KIRREL3: variants seen among roughly 807,000 people sequenced by gnomAD.
The protein encoded by KIRREL3 is kirre like nephrin family adhesion molecule 3.
In KIRREL3, 36 loss-of-function variants were observed where a neutral mutation model predicts 89.7. The ratio of observed to expected loss-of-function variants is 0.40; its 90% confidence interval spans 0.31 to 0.53. The LOEUF is 0.53. Among genes scored for constraint, KIRREL3 ranks in the 20% least tolerant of loss-of-function variants. KIRREL3 has a pLI of 0.49. For missense variants in KIRREL3, 864 were observed against 1,056.6 expected (o/e 0.82, Z 2.53); for synonymous variants, 445 against 441.4 (o/e 1.01, Z -0.10).
chr11:126,869,119 T>C (rs1565369017), intron 1 of KIRREL3, among the ~76,000 whole-genome samples: 2 of 151,790 alleles, frequency 1.3e-5, no homozygotes, highest in South Asian at 4.2e-4. Context: ...GAAAAAGCTG[T>C]TTGTGGTGAA....
At position 126,766,767 on chromosome 11, in the gene KIRREL3, C is replaced by T. The variant is rs1302162266; in HGVS notation, c.56-203855G>A. Among the ~76,000 whole-genome samples the T allele has an allele frequency of 6.6e-6, 1 of 152,192 alleles. No individual in the cohort carries two copies. Among genetic ancestry groups the T allele is most frequent in the Non-Finnish European group, 1.5e-5 (1 of 68,034 alleles). ...TAAAACTTAATGATCATCTTTCTGA[C>T]TGGGGATCATAAAGTGCTGTTGATA... On this transcript the variant is annotated intron_variant, in intron 1 of 16. Transcript: ENST00000525144. The surrounding 1 kb of genome is among the most constrained non-coding windows in gnomAD (Gnocchi z 4.2).
At chr11:126,850,971 A>G (rs982767023) in intron 1 of KIRREL3, among the ~76,000 whole-genome samples, 2 of 152,218 alleles carry the variant, frequency 1.3e-5, no homozygotes, top group Admixed American at 6.5e-5. Flanking sequence ...ACTCCAATCA[A>G]GTAAGAGGCA....
intron 1 of KIRREL3, among the ~76,000 whole-genome samples, chr11:126,631,604 C>T (rs1944028447): frequency 6.6e-6 from 1 of 152,172 alleles, no homozygotes; most frequent in African/African-American, 2.4e-5. Flanking sequence ...CAGGCAAGAC[C>T]AATTCACCCT....
At position 126,903,890 on chromosome 11, in the gene KIRREL3, A is replaced by G. The variant is rs535789140; in HGVS notation, c.55+96565T>C. On this transcript the variant is annotated intron_variant, in intron 1 of 16. Transcript: ENST00000525144. This position sits in a 1 kb window ranked among gnomAD's most constrained non-coding sequence, Gnocchi z 4.5. ...GGATTATTTGGGTACCTTGCTTGGTAGGCTTGCATTAGCTTCAGGTGCCCA... is the reference window on the plus strand; with the variant it reads ...GGATTATTTGGGTACCTTGCTTGGTGGGCTTGCATTAGCTTCAGGTGCCCA... 1.3e-5 allele frequency among the ~76,000 whole-genome samples: 2 copies of G among 152,178 alleles called. No individual in the cohort carries two copies. The highest frequency in any genetic ancestry group is 2.9e-5 in the Non-Finnish European group (2 of 68,006).
At chr11:126,915,740 A>T (rs1402574502) in intron 1 of KIRREL3, among the ~76,000 whole-genome samples, 1 of 152,208 alleles carries the variant, frequency 6.6e-6, no homozygotes, top group East Asian at 1.9e-4. Context: ...GTAGCTGATA[A>T]CTGTTTTAGT....
At chr11:126,549,591 G>C (rs919698369) in intron 2 of KIRREL3, 2 of 152,222 alleles carry the variant, frequency 1.3e-5, no homozygotes, top group African/African-American at 4.8e-5. Flanking sequence ...TCAGACCCTG[G>C]GGAGAGGGCT....
At chr11:126,634,488 G>A (rs1467605358) in intron 1 of KIRREL3, among the ~76,000 whole-genome samples, 1 of 152,182 alleles carries the variant, frequency 6.6e-6, no homozygotes, top group African/African-American at 2.4e-5. Flanking sequence ...CCTGATCAAG[G>A]TGTAGCAGCT....
chr11:126,822,685 A>G (rs1477687238), intron 1 of KIRREL3, among the ~76,000 whole-genome samples: 1 of 152,140 alleles, frequency 6.6e-6, no homozygotes, highest in African/African-American at 2.4e-5. Context: ...TCCATGTGGC[A>G]TCCACTAAAG....
intron 4 of KIRREL3, among the ~76,000 whole-genome samples, chr11:126,507,206 G>A (rs1361783270): frequency 6.6e-6 from 1 of 152,172 alleles, no homozygotes; most frequent in Non-Finnish European, 1.5e-5. Flanking sequence ...GAGACTGGGT[G>A]GGAGTGAGGA....
At chr11:126,499,286 G>A (rs568668079) in intron 4 of KIRREL3, among the ~76,000 whole-genome samples, 1 of 152,136 alleles carries the variant, frequency 6.6e-6, no homozygotes, top group East Asian at 1.9e-4. Flanking sequence ...GTGACTCTCC[G>A]CCCCACTTTA....
At position 126,900,277 on chromosome 11, in the gene KIRREL3, A is replaced by G. The variant is rs1946323762; in HGVS notation, c.55+100178T>C. Among the ~76,000 whole-genome samples, 1 of 152,156 alleles carries G rather than the reference A, an allele frequency of 6.6e-6. No homozygotes were observed. Among genetic ancestry groups the G allele is most frequent in the Non-Finnish European group, 1.5e-5 (1 of 68,018 alleles). The stretch of plus-strand genomic sequence containing the variant: ...TATTCAAACCAAAGACGCCTTCACC[A>G]CCAATGATCAGAGGAAAAGTGATTC... On this transcript the variant is annotated intron_variant, in intron 1 of 16. Transcript: ENST00000525144. The surrounding 1 kb of genome is among the most constrained non-coding windows in gnomAD (Gnocchi z 4.4).
rs1237779850 is a variant in KIRREL3, at chr11:126,705,979, G to A, written c.56-143067C>T. Among the ~76,000 whole-genome samples, 1 of 152,198 alleles carries A rather than the reference G, an allele frequency of 6.6e-6. No homozygotes were observed. The highest frequency in any genetic ancestry group is 1.9e-4 in the East Asian group (1 of 5,196). On this transcript the variant is annotated intron_variant, in intron 1 of 16. Transcript: ENST00000525144. This position sits in a 1 kb window ranked among gnomAD's most constrained non-coding sequence, Gnocchi z 4.3. ...TACCCCACATGGAAATATACACAGA[G>A]GAAAATGGAGGCAGTGGCCAAAAAC... is the stretch of plus-strand genomic sequence containing the variant.
intron 1 of KIRREL3, among the ~76,000 whole-genome samples, chr11:126,992,997 C>A (rs1386124634): frequency 1.3e-5 from 2 of 152,162 alleles, no homozygotes; most frequent in African/African-American, 4.8e-5. Flanking sequence ...TGTGGACTAA[C>A]CATTAAGGTC....
intron 7 of KIRREL3, among the ~76,000 whole-genome samples, chr11:126,451,498 A>C (rs967863856): frequency 7.2e-6 from 1 of 139,636 alleles, no homozygotes; most frequent in Non-Finnish European, 1.5e-5. Flanking sequence ...ATGTGTGTGC[A>C]TGTGTGAGTG....
intron 1 of KIRREL3, among the ~76,000 whole-genome samples, chr11:126,585,086 A>T (rs1941760097): frequency 1.4e-5 from 2 of 143,718 alleles, no homozygotes; most frequent in Admixed American, 6.9e-5. Flanking sequence ...CGCCCGGCTA[A>T]TTTTTTGTAT....
intron 7 of KIRREL3, among the ~76,000 whole-genome samples, chr11:126,450,843 ATGTGTGAGCATGTGCACG>A (rs1956054161): frequency 8.1e-6 from 1 of 124,002 alleles, no homozygotes; most frequent in Admixed American, 8.3e-5. Flanking sequence ...GCGTGTATAG[ATGTGTGAGCATGTGCACG>A]TGTGTGTGCA....
rs1272183350 is a variant in KIRREL3, at chr11:126,471,140, C to G, written c.591+2169G>C. ...TGGGAGGCTGAGGCAGGTGGATCACCTGAGGTCGGGAGTTTGAGACCAGCC... is the reference window on the plus strand; with the variant it reads ...TGGGAGGCTGAGGCAGGTGGATCACGTGAGGTCGGGAGTTTGAGACCAGCC... On this transcript the variant is annotated intron_variant, in intron 5 of 16. Coordinates refer to ENST00000525144, the MANE Select transcript of KIRREL3 (RefSeq NM_032531.4). This position sits in a 1 kb window ranked among gnomAD's most constrained non-coding sequence, Gnocchi z 5.4. Among the ~76,000 whole-genome samples the G allele has an allele frequency of 6.6e-6, 1 of 152,044 alleles. No homozygotes were observed. The highest frequency in any genetic ancestry group is 2.4e-5 in the African/African-American group (1 of 41,388).
At position 126,576,017 on chromosome 11, in the gene KIRREL3, C is replaced by CA. The variant is rs1941236468; in HGVS notation, c.56-13106dup. Among the ~76,000 whole-genome samples, 2 of 152,198 alleles carry CA rather than the reference C, an allele frequency of 1.3e-5. No homozygotes were observed. The highest frequency in any genetic ancestry group is 4.1e-4 in the South Asian group (2 of 4,828). ...CCCTCCCAGACTGTGAGGTGGGAAC[C>CA]ATCTCTATTAATCTCTAGAACCTGG... On this transcript the variant is annotated intron_variant, in intron 1 of 16. Coordinates refer to ENST00000525144, the MANE Select transcript of KIRREL3 (RefSeq NM_032531.4). This position sits in a 1 kb window ranked among gnomAD's most constrained non-coding sequence, Gnocchi z 5.4.
rs1197517770 is a variant in KIRREL3 at position 126,496,923 on chromosome 11, C to T, written c.434-23457G>A. Among the ~76,000 whole-genome samples, 2 of 152,008 alleles carry T rather than the reference C, an allele frequency of 1.3e-5. No homozygotes were observed. Among genetic ancestry groups the T allele is most frequent in the Non-Finnish European group, 2.9e-5 (2 of 68,006 alleles). On this transcript the variant is annotated intron_variant, in intron 4 of 16. Coordinates refer to ENST00000525144, the MANE Select transcript of KIRREL3 (RefSeq NM_032531.4). This position sits in a 1 kb window ranked among gnomAD's most constrained non-coding sequence, Gnocchi z 4.9. Reference sequence around the variant, plus strand: ...CTTCTTGGAGGCCAATGAGAGTGGGCAGAACTGAGCAATGGAGGAGGAGGC... The same window carrying T: ...CTTCTTGGAGGCCAATGAGAGTGGGTAGAACTGAGCAATGGAGGAGGAGGC...
Sources: gnomAD v4.1 joint callset for allele counts (sites outside exome capture counted in the v4.1 genomes callset) on GRCh38, gnomAD v4.1.1 for gene constraint, Gnocchi (gnomAD v3.1) non-coding constraint, MANE v1.5 for transcripts, NCBI Gene and HGNC (gene_info 2026-07-23, HGNC 2026-07-21) for gene names.